GRM5: variants seen among roughly 807,000 people sequenced by gnomAD.
The protein encoded by GRM5 is metabotropic glutamate receptor 5.
In GRM5, 19 loss-of-function variants were observed where a neutral mutation model predicts 83.1. That is an observed-to-expected ratio of 0.23 (90% CI 0.16 to 0.34). The LOEUF (loss-of-function observed/expected upper bound fraction) is 0.34. Among genes scored for constraint, GRM5 ranks in the 10% least tolerant of loss-of-function variants. The pLI is 1.00. For synonymous variants in GRM5, 675 were observed against 633.6 expected, an observed-to-expected ratio of 1.07 and a Z score of -0.98; for missense variants, 1,160 against 1,588.3, an observed-to-expected ratio of 0.73 and a Z score of 4.58.
intron 2 of GRM5, among the ~76,000 whole-genome samples, chr11:88,932,243 T>C (rs187239678): frequency 6.6e-6 from 1 of 152,262 alleles, no homozygotes; most frequent in African/African-American, 2.4e-5. Flanking sequence ...TTGAGTATTA[T>C]ACTTCTGACA....
intron 3 of GRM5, among the ~76,000 whole-genome samples, chr11:88,778,256 T>G (rs926182644): frequency 6.6e-6 from 1 of 152,252 alleles, no homozygotes; most frequent in Non-Finnish European, 1.5e-5. Flanking sequence ...TGCGACCTGC[T>G]TAGCCAGGCA....
chr11:88,777,011 C>T (rs1351844179), intron 3 of GRM5, among the ~76,000 whole-genome samples: 1 of 152,194 alleles, frequency 6.6e-6, no homozygotes, highest in Non-Finnish European at 1.5e-5. Context: ...GGAAGTTCTC[C>T]TGGATAATAT....
At chr11:88,812,236 C>A (rs1365629357) in intron 3 of GRM5, among the ~76,000 whole-genome samples, 1 of 152,046 alleles carries the variant, frequency 6.6e-6, no homozygotes, top group Non-Finnish European at 1.5e-5. Context: ...GAAGTTAGCT[C>A]ATCAGGAAAA....
chr11:88,656,984 G>A lies in GRM5; in HGVS notation c.912-3581C>T, dbSNP rs117156760. Among the ~76,000 whole-genome samples, 106 of 152,158 alleles carry A rather than the reference G, an allele frequency of 7.0e-4. No homozygotes were observed. The Middle Eastern group carries it at 0.014, about 20-fold the overall frequency. On this transcript the variant is annotated intron_variant, in intron 3 of 9. Coordinates refer to ENST00000305447, the MANE Select transcript of GRM5 (RefSeq NM_001143831.3). ...GGATGAGAGGAGGAAGTGTCCTGGA[G>A]CCAATGCTCTGCAAATATCAAGGGA... is the stretch of plus-strand genomic sequence containing the variant.
At chr11:88,603,428 G>A (rs1938054660) in intron 5 of GRM5, among the ~76,000 whole-genome samples, 1 of 152,192 alleles carries the variant, frequency 6.6e-6, no homozygotes, top group African/African-American at 2.4e-5. Context: ...CCCAGGCCTT[G>A]ACCTGAGCCT....
chr11:89,051,510 G>C (rs1941761046), intron 1 of GRM5, among the ~76,000 whole-genome samples: 1 of 152,062 alleles, frequency 6.6e-6, no homozygotes, highest in Admixed American at 6.6e-5. Context: ...AGGCTTTCAA[G>C]ACCAGCCTGA....
chr11:88,605,295 T>C (rs1361594105), intron 4 of GRM5, among the ~76,000 whole-genome samples: 2 of 151,992 alleles, frequency 1.3e-5, no homozygotes, highest in Non-Finnish European at 2.9e-5. Flanking sequence ...CAGATTCATT[T>C]CATTAGTATG....
rs117346502 is a variant in GRM5, at chr11:88,772,171, G to A, written c.911+77735C>T. Among the ~76,000 whole-genome samples the A allele has an allele frequency of 6.8e-3, 1,026 of 151,836 alleles. 8 individuals are homozygous for A. The highest frequency in any genetic ancestry group is 7.0e-3 in the Non-Finnish European group (473 of 67,950). ...TATTTTAAACATAAAGATATCTATT[G>A]AAACATTATTATTGCTCTTAGTTTA... On this transcript the variant is annotated intron_variant, in intron 3 of 9. Transcript: ENST00000305447.
chr11:88,807,985 T>G (rs777701839), intron 3 of GRM5, among the ~76,000 whole-genome samples: 47 of 152,180 alleles, frequency 3.1e-4, no homozygotes, highest in South Asian at 1.7e-3. Flanking sequence ...AGACATTTTA[T>G]AGCATATGTT....
At chr11:88,747,817 G>C (rs1433183719) in intron 3 of GRM5, among the ~76,000 whole-genome samples, 1 of 113,384 alleles carries the variant, frequency 8.8e-6, no homozygotes, top group African/African-American at 2.6e-5. Flanking sequence ...AAACTGATTT[G>C]TGTTATTTTT....
intron 3 of GRM5, among the ~76,000 whole-genome samples, chr11:88,812,203 T>C (rs753040184): frequency 1.8e-4 from 28 of 152,126 alleles, no homozygotes; most frequent in Non-Finnish European, 3.1e-4. Context: ...CCAAGAGAAA[T>C]TGTCCCAATA....
chr11:88,900,952 G>A (rs983424948), intron 2 of GRM5, among the ~76,000 whole-genome samples: 3 of 152,076 alleles, frequency 2.0e-5, no homozygotes, highest in Non-Finnish European at 2.9e-5. Flanking sequence ...CTACAACTTC[G>A]ATCCCATATT....
At chr11:88,570,304 G>T (rs1044484980) in intron 7 of GRM5, among the ~76,000 whole-genome samples, 7 of 151,812 alleles carry the variant, frequency 4.6e-5, no homozygotes, top group Admixed American at 3.3e-4. Context: ...TTAAAAAATT[G>T]TGGATAGCTC....
chr11:88,515,724 A>G lies in GRM5; in HGVS notation c.2727-6220T>C, dbSNP rs192990753. On this transcript the variant is annotated intron_variant, in intron 9 of 9. Transcript: ENST00000305447. ...TTTTAGATTTTTGTACTTCTTTTTCAAAACAGGAAATGATTTTTACCAGCA... is the reference window on the plus strand; with the variant it reads ...TTTTAGATTTTTGTACTTCTTTTTCGAAACAGGAAATGATTTTTACCAGCA... Among the ~76,000 whole-genome samples, 427 of 152,324 alleles carry G rather than the reference A, an allele frequency of 2.8e-3. 1 individual carries two copies. The highest frequency in any genetic ancestry group is 3.8e-3 in the Non-Finnish European group (261 of 68,024).
chr11:88,957,775 A>AT (rs1359679498), intron 2 of GRM5, among the ~76,000 whole-genome samples: 3 of 152,088 alleles, frequency 2.0e-5, no homozygotes, highest in African/African-American at 7.2e-5. Flanking sequence ...TAGAGACAAT[A>AT]TTTTTTATTT....
chr11:88,631,855 G>A (rs149376084), intron 4 of GRM5, among the ~76,000 whole-genome samples: 112 of 152,228 alleles, frequency 7.4e-4, no homozygotes, highest in African/African-American at 2.5e-3. Flanking sequence ...AGAGATAAGG[G>A]ACTTGGTTAT....
rs528263823 is a variant in GRM5 at position 88,793,642 on chromosome 11, T to C, written c.911+56264A>G. Among the ~76,000 whole-genome samples the C allele has an allele frequency of 2.6e-5, 4 of 152,288 alleles. No individual in the cohort carries two copies. The South Asian group carries it at 8.3e-4, about 32-fold the overall frequency. On this transcript the variant is annotated intron_variant, in intron 3 of 9. Coordinates refer to ENST00000305447, the MANE Select transcript of GRM5 (RefSeq NM_001143831.3). ...TGTTTCTGGGATTCTCAGTAAAGCT[T>C]ATATTTTATGATATAGTCATTACAT...
At chr11:88,804,664 T>A (rs1468554024) in intron 3 of GRM5, among the ~76,000 whole-genome samples, 1 of 152,096 alleles carries the variant, frequency 6.6e-6, no homozygotes, top group Non-Finnish European at 1.5e-5. Context: ...TGTGCACATG[T>A]ACCCTAAAAC....
chr11:89,000,494 T>C (rs1378747163), intron 2 of GRM5, among the ~76,000 whole-genome samples: 1 of 152,162 alleles, frequency 6.6e-6, no homozygotes, highest in African/African-American at 2.4e-5. Flanking sequence ...TTGGAGTAAG[T>C]CATCATCAGT....
Sources: gnomAD v4.1 joint callset for allele counts (sites outside exome capture counted in the v4.1 genomes callset) on GRCh38, gnomAD v4.1.1 for gene constraint, MANE v1.5 for transcripts, NCBI Gene and HGNC (gene_info 2026-07-23, HGNC 2026-07-21) for gene names.